The following PCDH15 variants were observed in gnomAD, a reference collection of about 807,000 sequenced individuals.
The protein encoded by PCDH15 is protocadherin related 15, also known as protocadherin-15.
PCDH15 carries 129 observed loss-of-function variants against 178.5 expected under a neutral mutation model. The ratio of observed to expected loss-of-function variants is 0.72; its 90% CI spans 0.63 to 0.84. The LOEUF is 0.84. Ranked by LOEUF, PCDH15 falls within the 40% of genes least tolerant of loss-of-function variation. The probability of loss-of-function intolerance (pLI) is 0.00; values close to 1 mark genes in which losing one functional copy is unlikely to be tolerated. For synonymous variants in PCDH15, 800 were observed against 732.0 expected (o/e 1.09, Z -1.50); for missense variants, 2,230 against 2,099.9 (o/e 1.06, Z -1.21).
chr10:54,775,049 C>T (rs374010118), intron 1 of PCDH15, among the ~76,000 whole-genome samples: 4 of 152,020 alleles, frequency 2.6e-5, no homozygotes, highest in Admixed American at 2.6e-4. Flanking sequence ...AACTTGATTG[C>T]ACTTATGCAG....
intron 1 of PCDH15, among the ~76,000 whole-genome samples, chr10:55,254,418 C>A (rs942483611): frequency 1.3e-5 from 2 of 152,180 alleles, no homozygotes; most frequent in East Asian, 3.9e-4. Context: ...GCATCTAGAA[C>A]CTTTGACCCA....
chr10:53,825,164 CAG>C, intron 32 of PCDH15: 1 of 1,529,878 alleles, frequency 6.5e-7, no homozygotes, highest in Non-Finnish European at 8.8e-7. Context: ...AGGTGAGAAA[CAG>C]AAAACATGTG....
Position 54,132,918 on chromosome 10 carries a change from A to G in PCDH15, c.1874T>C (p.Ile625Thr). The G allele has an allele frequency of 6.2e-7, 1 of 1,614,012 alleles. No individual in the cohort carries two copies. Among genetic ancestry groups the G allele is most frequent in the Non-Finnish European group, 8.5e-7 (1 of 1,179,996 alleles). ...RFPQLMYSLE[I>T]SEAMRVGAVL... ...AGCACCAACCCTCATGGCTTCACTA[A>G]TTTCAAGGCTATACATCAGCTGTGG... Residue 625 changes from isoleucine (I) to threonine (T), a missense_variant, in exon 15 of 38, where the codon ATT (isoleucine) becomes ACT (threonine). Physicochemically the swap from Ile to Thr is moderately conservative, Grantham distance 89 (BLOSUM62 -1). Coordinates refer to ENST00000644397, the MANE Select transcript of PCDH15 (RefSeq NM_001384140.1).
chr10:54,415,891 G>A (rs1954282197), intron 3 of PCDH15, among the ~76,000 whole-genome samples: 1 of 152,022 alleles, frequency 6.6e-6, no homozygotes, highest in Non-Finnish European at 1.5e-5. Context: ...TGATCCAAAT[G>A]GTATTTCCAA....
intron 1 of PCDH15, among the ~76,000 whole-genome samples, chr10:55,167,424 G>C (rs1163360319): frequency 2.0e-5 from 3 of 151,840 alleles, no homozygotes; most frequent in Non-Finnish European, 4.4e-5. Context: ...CAGCACTTTT[G>C]GATTTCAAAA....
chr10:55,198,436 T>C lies in PCDH15; in HGVS notation c.-155-31785A>G, dbSNP rs947249284. ...TGCTTTAAAAGTGCTGTTTTAAAAG[T>C]GCTCATGAGATCTGGTGTTTAAAAG... On this transcript the variant is annotated intron_variant, in intron 1 of 5. Coordinates refer to the PCDH15 transcript ENST00000458638. 5.9e-5 allele frequency among the ~76,000 whole-genome samples: 9 copies of C among 152,262 alleles called. No homozygotes were observed. The South Asian group carries it at 1.2e-3, about 21-fold the overall frequency.
chr10:54,627,099 G>T (rs867553900), intron 2 of PCDH15, among the ~76,000 whole-genome samples: 1 of 152,156 alleles, frequency 6.6e-6, no homozygotes, highest in Admixed American at 6.5e-5. Flanking sequence ...GACTGTATCT[G>T]CATTGTATCT....
At chr10:55,141,615 A>T (rs1259565074) in intron 2 of PCDH15, among the ~76,000 whole-genome samples, 1 of 152,134 alleles carries the variant, frequency 6.6e-6, no homozygotes, top group African/African-American at 2.4e-5. Context: ...AGTAAAAGTT[A>T]TTCCAATAGG....
At chr10:53,984,126 T>TC (rs1401100633) in intron 21 of PCDH15, among the ~76,000 whole-genome samples, 2 of 103,448 alleles carry the variant, frequency 1.9e-5, no homozygotes, top group African/African-American at 6.6e-5. Flanking sequence ...GCTTTTCTTT[T>TC]TTTTTTTTTC....
chr10:54,816,489 G>A (rs555503025), intron 3 of PCDH15, among the ~76,000 whole-genome samples: 3 of 151,982 alleles, frequency 2.0e-5, no homozygotes, highest in Non-Finnish European at 4.4e-5. Flanking sequence ...TGTCAAACCA[G>A]CCATGCTTGT....
chr10:54,568,752 A>G (rs1458901177), intron 2 of PCDH15: 3 of 152,164 alleles, frequency 2.0e-5, no homozygotes, highest in Admixed American at 2.0e-4. Context: ...TATCAAGTTT[A>G]TGCTACATGT....
intron 1 of PCDH15, among the ~76,000 whole-genome samples, chr10:54,781,298 A>C (rs565181438): frequency 1.3e-5 from 2 of 152,116 alleles, no homozygotes; most frequent in African/African-American, 4.8e-5. Context: ...TATTTCTCCT[A>C]ATGTTATCCC....
chr10:54,054,119 A>G (rs371702874), intron 18 of PCDH15, among the ~76,000 whole-genome samples: 1 of 152,146 alleles, frequency 6.6e-6, no homozygotes, highest in African/African-American at 2.4e-5. Flanking sequence ...AATCTTAAAA[A>G]TGTTGAAATT....
chr10:54,033,422 A>G (rs2093348002), intron 18 of PCDH15, among the ~76,000 whole-genome samples: 1 of 151,930 alleles, frequency 6.6e-6, no homozygotes, highest in South Asian at 2.1e-4. Flanking sequence ...ATTGGAAATG[A>G]TCTACCACCG....
chr10:54,127,037 T>C (rs921859065), intron 15 of PCDH15, among the ~76,000 whole-genome samples: 2 of 152,196 alleles, frequency 1.3e-5, no homozygotes, highest in Admixed American at 6.5e-5. Flanking sequence ...AAGTAAATTA[T>C]TGTTTTCACT....
chr10:55,402,443 G>T (rs1249850373), intron 2 of PCDH15, among the ~76,000 whole-genome samples: 3 of 151,810 alleles, frequency 2.0e-5, no homozygotes, highest in African/African-American at 7.3e-5. Flanking sequence ...ACCATATTGT[G>T]CAATGGAACA....
rs550306397 is a variant in PCDH15 at position 55,437,542 on chromosome 10, C to G, written c.-156+190083G>C. 5.9e-4 allele frequency among the ~76,000 whole-genome samples: 90 copies of G among 152,098 alleles called. 1 individual carries two copies. The highest frequency in any genetic ancestry group is 6.8e-3 in the Middle Eastern group (2 of 294). On this transcript the variant is annotated intron_variant, in intron 2 of 5. Transcript: ENST00000613346. ...AAGAAGGCTAATAAAGAAAAAATGG[C>G]CCTATTTATACAAGTACTAAAGGTT...
chr10:55,279,169 G>T (rs11004795), intron 1 of PCDH15, among the ~76,000 whole-genome samples: 2 of 151,928 alleles, frequency 1.3e-5, no homozygotes, highest in African/African-American at 4.8e-5. Flanking sequence ...ACATAAAAGG[G>T]AGCCTAACTT....
intron 2 of PCDH15, among the ~76,000 whole-genome samples, chr10:55,465,287 A>G (rs954993150): frequency 3.9e-5 from 6 of 152,144 alleles, no homozygotes; most frequent in Admixed American, 6.5e-5. Flanking sequence ...TTAGGTTGGA[A>G]CTGGTTTTGA....
Sources: gnomAD v4.1 joint callset for allele counts (sites outside exome capture counted in the v4.1 genomes callset) on GRCh38, gnomAD v4.1.1 for gene constraint, MANE v1.5 for transcripts, NCBI Gene and HGNC (gene_info 2026-07-23, HGNC 2026-07-21) for gene names.